CTDSPL2: variants seen among roughly 807,000 people sequenced by gnomAD.
CTDSPL2 encodes the protein CTD small phosphatase like 2, also known as CTD small phosphatase-like protein 2.
In CTDSPL2, 5 loss-of-function variants were observed where a neutral mutation model predicts 60.0. That is an observed-to-expected ratio of 0.08 (90% CI 0.04 to 0.18). The LOEUF (loss-of-function observed/expected upper bound fraction) is 0.18, where lower values mean the gene tolerates loss of function less well. CTDSPL2 is among the 10% of genes least tolerant of loss of function. CTDSPL2 has a pLI of 1.00. For synonymous variants in CTDSPL2, 186 were observed against 189.3 expected (o/e 0.98, Z 0.14); for missense variants, 370 against 548.8 (o/e 0.67, Z 3.26).
intron 1 of CTDSPL2, among the ~76,000 whole-genome samples, chr15:44,440,075 A>G (rs914877355): frequency 9.2e-5 from 14 of 152,092 alleles, no homozygotes; most frequent in Admixed American, 2.6e-4. Flanking sequence ...ATTAATGGAT[A>G]TGGGGCTAAT....
intron 1 of CTDSPL2, among the ~76,000 whole-genome samples, chr15:44,451,966 A>G (rs1378487095): frequency 1.3e-5 from 2 of 152,202 alleles, no homozygotes; most frequent in Admixed American, 6.5e-5. Flanking sequence ...TAAAATTTTT[A>G]AACTAGTAAA....
At chr15:44,434,377 C>T (rs1031650779) in intron 1 of CTDSPL2, among the ~76,000 whole-genome samples, 1 of 152,038 alleles carries the variant, frequency 6.6e-6, no homozygotes, top group Admixed American at 6.6e-5. Context: ...TGCAGCCTGA[C>T]GGCAGAGCAA....
At chr15:44,455,066 G>A (rs1287034170) in intron 1 of CTDSPL2, among the ~76,000 whole-genome samples, 15 of 152,306 alleles carry the variant, frequency 9.8e-5, no homozygotes, top group South Asian at 2.1e-4. Flanking sequence ...TGAGCATGGA[G>A]TGTTCTTCCA....
chr15:44,467,928 C>A (rs574265845), intron 2 of CTDSPL2, among the ~76,000 whole-genome samples: 8 of 152,010 alleles, frequency 5.3e-5, no homozygotes, highest in Non-Finnish European at 1.2e-4. Flanking sequence ...GAATGGAAAT[C>A]GTAACTTGGA....
At chr15:44,515,446 T>C (rs777133855) in intron 10 of CTDSPL2, among the ~76,000 whole-genome samples, 9 of 152,134 alleles carry the variant, frequency 5.9e-5, no homozygotes, top group Non-Finnish European at 5.9e-5. Context: ...ATTATGATAA[T>C]TAGTTCCATT....
Position 44,459,036 on chromosome 15 carries a change from G to A in CTDSPL2, c.22G>A (p.Ala8Thr), listed in dbSNP as rs774229089. The stretch of plus-strand genomic sequence containing the variant: ...AAAGATGAGGCTGAGAACACGGAAA[G>A]CTTCTCAGCAGTCAAATCAAATCCA... MRLRTRKASQQSNQIQTQ... is the reference protein window; with the variant it reads MRLRTRKTSQQSNQIQTQ... Residue 8 changes from alanine to threonine, a missense_variant, in exon 2 of 13, where the codon GCT becomes ACT. By Grantham distance (58) the Ala-to-Thr change is moderately conservative (BLOSUM62 0). Transcript: ENST00000260327. 41 of 1,592,578 alleles carry A rather than the reference G, an allele frequency of 2.6e-5. No homozygotes were observed. Among genetic ancestry groups the A allele is most frequent in the Non-Finnish European group, 3.3e-5 (39 of 1,169,814 alleles).
At chr15:44,511,437 T>C (rs1275875431) in intron 8 of CTDSPL2, among the ~76,000 whole-genome samples, 2 of 152,216 alleles carry the variant, frequency 1.3e-5, no homozygotes, top group Non-Finnish European at 1.5e-5. Context: ...TGGAAAATAT[T>C]GTTAACTAGA....
intron 2 of CTDSPL2, among the ~76,000 whole-genome samples, chr15:44,465,717 T>C (rs1050816052): frequency 6.7e-6 from 1 of 148,350 alleles, no homozygotes; most frequent in Non-Finnish European, 1.5e-5. Flanking sequence ...CTCCTCTTTT[T>C]TTTTTTTTTT....
At chr15:44,453,405 A>AT (rs917656580) in intron 1 of CTDSPL2, among the ~76,000 whole-genome samples, 214 of 148,628 alleles carry the variant, frequency 1.4e-3, no homozygotes, top group African/African-American at 3.8e-3. Flanking sequence ...GATCATGTGG[A>AT]TTTTTTTTTT....
intron 8 of CTDSPL2, among the ~76,000 whole-genome samples, chr15:44,508,939 A>G (rs2081518937): frequency 6.6e-6 from 1 of 152,150 alleles, no homozygotes; most frequent in African/African-American, 2.4e-5. Context: ...AAAGAAAGTT[A>G]TGGTCATATT....
intron 1 of CTDSPL2, among the ~76,000 whole-genome samples, chr15:44,442,497 A>G (rs1052983955): frequency 6.6e-6 from 1 of 152,014 alleles, no homozygotes; most frequent in Non-Finnish European, 1.5e-5. Context: ...ATTAAGATGA[A>G]GTATTTTAGC....
intron 8 of CTDSPL2, among the ~76,000 whole-genome samples, chr15:44,506,085 A>G (rs963298850): frequency 7.1e-6 from 1 of 139,940 alleles, no homozygotes; most frequent in South Asian, 2.2e-4. Flanking sequence ...GCTGGAGTGC[A>G]ATGGCGCTAT....
chr15:44,525,187 T>C lies in CTDSPL2; in HGVS notation c.*1013T>C. Reference sequence around the variant, plus strand: ...GTATTTTTAGTTATTTTGCATGGGCTGGTAGTACCTCTGTTATGCTCTCAG... The same window carrying C: ...GTATTTTTAGTTATTTTGCATGGGCCGGTAGTACCTCTGTTATGCTCTCAG... On this transcript the variant is annotated 3_prime_UTR_variant, in exon 13 of 13. Coordinates refer to ENST00000260327, the MANE Select transcript of CTDSPL2 (RefSeq NM_016396.3). 1 of 383,960 alleles carries C rather than the reference T, an allele frequency of 2.6e-6. No individual in the cohort carries two copies. Among genetic ancestry groups the C allele is most frequent in the Admixed American group, 4.5e-5 (1 of 22,400 alleles). 23.8% of individuals were successfully genotyped at this position (383,960 alleles called of 1,614,324 possible). A position where few individuals can be genotyped will look rare whatever the true frequency, so the allele number is the denominator to read the frequency against.
In CTDSPL2 at chr15:44,527,542, A is replaced by G. The variant is rs1315190008; in HGVS notation, c.*3368A>G. ...ATGTCTGTGTCAATCACATAAAGCT[A>G]AAATGTAAAGGACATTGAAGCCTTT... On this transcript the variant is annotated 3_prime_UTR_variant, in exon 13 of 13. Transcript: ENST00000260327. 1 of 152,218 alleles carries G rather than the reference A, an allele frequency of 6.6e-6. No individual in the cohort carries two copies. Among genetic ancestry groups the G allele is most frequent in the Non-Finnish European group, 1.5e-5 (1 of 68,014 alleles). The allele number at this position is 152,218 out of a possible 1,614,324, so 9.4% of individuals were successfully genotyped here. A position where few individuals can be genotyped will look rare whatever the true frequency, so the allele number is the denominator to read the frequency against.
intron 1 of CTDSPL2, among the ~76,000 whole-genome samples, chr15:44,442,389 G>A (rs2080107697): frequency 6.6e-6 from 1 of 151,044 alleles, no homozygotes; most frequent in African/African-American, 2.4e-5. Context: ...AGAGGTTGCA[G>A]TGAGCTGAGA....
rs1181682917 is a variant in CTDSPL2, at chr15:44,505,572, T to TA, written c.969+5767dup. The stretch of plus-strand genomic sequence containing the variant: ...CAACATGGTGAAACCCTGTCTCTAC[T>TA]AAAAAAAAGAAATTAGCTGGGCGTG... On this transcript the variant is annotated intron_variant, in intron 8 of 12. Transcript: ENST00000260327. Among the ~76,000 whole-genome samples the TA allele has an allele frequency of 3.3e-5, 5 of 151,492 alleles. No individual in the cohort carries two copies. In the South Asian group the frequency reaches 6.3e-4, roughly 19 times the overall value.
intron 1 of CTDSPL2, among the ~76,000 whole-genome samples, chr15:44,453,925 C>T (rs1310154089): frequency 2.0e-5 from 3 of 152,144 alleles, no homozygotes; most frequent in African/African-American, 7.2e-5. Context: ...ATTTATAATC[C>T]TTTGGGTATT....
chr15:44,458,880 T>C (rs539735616), intron 1 of CTDSPL2, 111 bp from the exon 2 acceptor site: 4 of 623,640 alleles, frequency 6.4e-6, no homozygotes, highest in African/African-American at 1.9e-5. Context: ...CTAGGACTTT[T>C]GTTTTTTTAG....
At chr15:44,515,832 C>T (rs756181150) in intron 10 of CTDSPL2, among the ~76,000 whole-genome samples, 1 of 152,048 alleles carries the variant, frequency 6.6e-6, no homozygotes, top group Admixed American at 6.5e-5. Flanking sequence ...GAGATCGTGC[C>T]GTTGCACTCC....
Sources: allele counts gnomAD v4.1 joint callset (sites outside exome capture counted in the v4.1 genomes callset), GRCh38; gene constraint gnomAD v4.1.1; transcripts MANE v1.5; gene names NCBI Gene and HGNC (gene_info 2026-07-23, HGNC 2026-07-21).